The following ECT2 variants were observed in gnomAD, a reference collection of about 807,000 sequenced individuals.
ECT2 encodes epithelial cell transforming 2.
ECT2 carries 61 observed loss-of-function variants against 116.9 expected under a neutral mutation model. The observed-to-expected ratio is 0.52, with a 90% confidence interval of 0.42 to 0.65. The LOEUF is 0.65. Ranked by LOEUF, ECT2 falls within the 30% of genes least tolerant of loss-of-function variation. ECT2 has a pLI of 0.00. For missense variants in ECT2, 937 were observed against 1,078.7 expected (o/e 0.87, Z 1.84); for synonymous variants, 358 against 346.4 (o/e 1.03, Z -0.37).
chr3:172,828,844 G>T, the ECT2 span: 1 of 950,228 alleles, frequency 1.1e-6, no homozygotes, highest in Non-Finnish European at 1.6e-6. Flanking sequence ...TGAGAGATGA[G>T]TGCCTGAGAG....
chr3:172,800,224 G>A (rs920366332), intron 18 of ECT2, among the ~76,000 whole-genome samples: 4 of 152,180 alleles, frequency 2.6e-5, no homozygotes, highest in South Asian at 4.1e-4. Flanking sequence ...CTTGGGGCGC[G>A]TGGTAGCTGT....
intron 18 of ECT2, chr3:172,796,568 G>A (rs185999000): frequency 5.9e-4 from 90 of 152,098 alleles, no homozygotes; most frequent in African/African-American, 2.1e-3. Flanking sequence ...TAAACTGCAG[G>A]CATTTTCTGT....
chr3:172,756,976 T>C lies in ECT2; in HGVS notation c.304-7T>C, dbSNP rs1238307968. 2.5e-6 allele frequency: 4 copies of C among 1,595,322 alleles called. No homozygotes were observed. Among genetic ancestry groups the C allele is most frequent in the East Asian group, 4.5e-5 (2 of 44,396 alleles). On this transcript the variant is annotated splice_region_variant and splice_polypyrimidine_tract_variant and intron_variant, in intron 4 of 24. Transcript: ENST00000392692. ...ATTTTTATTTCTGCTAACTATATGA[T>C]GAAAAGGACATTAAAGTGGGCTTTG...
intron 23 of ECT2, among the ~76,000 whole-genome samples, chr3:172,816,190 G>C (rs1465722434): frequency 6.6e-6 from 1 of 152,024 alleles, no homozygotes; most frequent in Non-Finnish European, 1.5e-5. Context: ...TAGAATTTTA[G>C]TGTTCTAAGA....
chr3:172,768,177 C>T (rs1719885351), intron 12 of ECT2, among the ~76,000 whole-genome samples: 1 of 152,068 alleles, frequency 6.6e-6, no homozygotes, highest in African/African-American at 2.4e-5. Flanking sequence ...GGGGGGGCTT[C>T]TTTTTGACAT....
the ECT2 span, among the ~76,000 whole-genome samples, chr3:172,827,154 C>G: frequency 6.6e-6 from 1 of 152,132 alleles, no homozygotes; most frequent in Non-Finnish European, 1.5e-5. Context: ...TGTTCGAGAA[C>G]ATAAAGGGTG....
At chr3:172,802,100 T>G (rs1033168769) in intron 18 of ECT2, among the ~76,000 whole-genome samples, 5 of 142,212 alleles carry the variant, frequency 3.5e-5, no homozygotes, top group Non-Finnish European at 7.5e-5. Context: ...GGATGTTTTG[T>G]TTTTGTTTTT....
chr3:172,770,456 G>C (rs889521523), intron 13 of ECT2, among the ~76,000 whole-genome samples: 3 of 152,062 alleles, frequency 2.0e-5, no homozygotes, highest in African/African-American at 4.8e-5. Context: ...ACTCATCAAA[G>C]GTTTGTTTAA....
Position 172,807,894 on chromosome 3 carries a change from T to A in ECT2, c.2370T>A (p.His790Gln). Residue 790 changes from histidine (H) to glutamine (Q), a missense_variant, in exon 22 of 25, where the codon CAT becomes CAA. Transcript: ENST00000392692. ...ACTGGCTAAAGATGCTGTGTCGACA[T>A]GTAGCTAACACCATTTGTAAAGCAG... is the stretch of plus-strand genomic sequence containing the variant. The part of the protein sequence containing the change: ...KENWLKMLCR[H>Q]VANTICKADA... 6.2e-7 allele frequency: 1 copy of A among 1,613,876 alleles called. No homozygotes were observed. The highest frequency in any genetic ancestry group is 8.5e-7 in the Non-Finnish European group (1 of 1,179,826).
intron 7 of ECT2, among the ~76,000 whole-genome samples, chr3:172,760,582 G>C (rs1181095666): frequency 6.6e-6 from 1 of 151,800 alleles, no homozygotes; most frequent in Non-Finnish European, 1.5e-5. Flanking sequence ...AGGCCTGGCC[G>C]AGTGGTTAAG....
At chr3:172,788,452 A>G (rs970258318) in intron 18 of ECT2, among the ~76,000 whole-genome samples, 1 of 152,182 alleles carries the variant, frequency 6.6e-6, no homozygotes, top group African/African-American at 2.4e-5. Flanking sequence ...CATCACCACA[A>G]TCAAGATGAA....
chr3:172,816,924 T>G, intron 24 of ECT2, 87 bp downstream of exon 24: 2 of 1,133,394 alleles, frequency 1.8e-6, no homozygotes, highest in African/African-American at 1.6e-5. Context: ...GAAATATTTC[T>G]TCCATTTTAA....
rs1221445626 is a variant in ECT2 at position 172,816,738 on chromosome 3, A to G, written c.2556A>G (p.Arg852=). Residue 852 remains arginine (R), a synonymous_variant, in exon 24 of 25, where the codon CGA becomes CGG. Transcript: ENST00000392692. The part of the protein sequence containing the change: ...SFSKTPKRAL[R]RALMTSHGSV... ...CCAAAACTCCAAAAAGAGCTCTTCG[A>G]AGGGCTCTTATGACATCCCACGGCT... 1 of 1,608,622 alleles carries G rather than the reference A, an allele frequency of 6.2e-7. No individual in the cohort carries two copies. The highest frequency in any genetic ancestry group is 1.3e-5 in the African/African-American group (1 of 74,914).
At chr3:172,764,240 C>A in intron 11 of ECT2, 38 bp from the exon 12 acceptor site, 1 of 1,557,170 alleles carries the variant, frequency 6.4e-7, no homozygotes, top group Non-Finnish European at 8.8e-7. Context: ...AGTAAAGAAC[C>A]ATGGAAGTAA....
chr3:172,791,973 T>C (rs1249361715), intron 18 of ECT2, among the ~76,000 whole-genome samples: 1 of 152,146 alleles, frequency 6.6e-6, no homozygotes, highest in Admixed American at 6.6e-5. Flanking sequence ...TACAGGACTT[T>C]GTAGGGTTGG....
intron 18 of ECT2, among the ~76,000 whole-genome samples, chr3:172,801,937 C>G (rs1426475581): frequency 6.6e-6 from 1 of 152,138 alleles, no homozygotes; most frequent in Non-Finnish European, 1.5e-5. Context: ...GTAAGACTTA[C>G]ATAAAACCTT....
At chr3:172,789,430 C>G (rs996700281) in intron 18 of ECT2, among the ~76,000 whole-genome samples, 10 of 152,050 alleles carry the variant, frequency 6.6e-5, no homozygotes, top group African/African-American at 2.4e-4. Context: ...TCAAAAACTC[C>G]TGAACTCAAG....
rs2108373496 is a variant in ECT2 at position 172,755,343 on chromosome 3, G to C, written c.179G>C (p.Gly60Ala). ...AGAGTGATATTGGTTCAAGAAGCTG[G>C]AAAACAAGAAGAACTTATAAAAGCC... Reference protein sequence around the residue: ...ETRVILVQEAGKQEELIKALK... With the variant: ...ETRVILVQEAAKQEELIKALK... Residue 60 changes from glycine (G) to alanine (A), a missense_variant, in exon 3 of 25, where the codon GGA (glycine) becomes GCA (alanine). Gly to Ala is a moderately conservative substitution (Grantham distance 60, BLOSUM62 0). Coordinates refer to ENST00000392692, the MANE Select transcript of ECT2 (RefSeq NM_001258315.2). 1 of 1,605,046 alleles carries C rather than the reference G, an allele frequency of 6.2e-7. No individual in the cohort carries two copies. The highest frequency in any genetic ancestry group is 1.1e-5 in the South Asian group (1 of 88,598).
intron 4 of ECT2, 144 bp from the exon 5 acceptor site, chr3:172,756,839 T>C: frequency 3.0e-6 from 2 of 673,198 alleles, no homozygotes; most frequent in South Asian, 4.8e-5. Flanking sequence ...GTAATGCTGA[T>C]TATTGTGTGA....
Sources: gnomAD v4.1 joint callset for allele counts (sites outside exome capture counted in the v4.1 genomes callset) on GRCh38, gnomAD v4.1.1 for gene constraint, MANE v1.5 for transcripts, NCBI Gene and HGNC (gene_info 2026-07-23, HGNC 2026-07-21) for gene names.